Variants in FMN1 observed in about 807,000 individuals in gnomAD.
The protein encoded by FMN1 is formin 1.
FMN1 carries 110 observed loss-of-function variants against 132.4 expected under a neutral mutation model. That is an observed-to-expected ratio of 0.83 (90% CI 0.71 to 0.97). The LOEUF (loss-of-function observed/expected upper bound fraction) is 0.97. Ranked by LOEUF, FMN1 falls within the 50% of genes least tolerant of loss-of-function variation. The probability of loss-of-function intolerance (pLI) is 0.00; values close to 1 mark genes in which losing one functional copy is unlikely to be tolerated. For synonymous variants in FMN1, 722 were observed against 651.7 expected (o/e 1.11, Z -1.64); for missense variants, 1,792 against 1,705.3 (o/e 1.05, Z -0.90).
intron 5 of FMN1, chr15:33,067,095 C>T (rs1555392789): frequency 2.5e-6 from 4 of 1,613,968 alleles, no homozygotes; most frequent in East Asian, 2.2e-5. Context: ...CCAGAGACTT[C>T]TTTTTTAGAA....
chr15:33,125,389 GAAGA>G (rs1273643173), intron 4 of FMN1, among the ~76,000 whole-genome samples: 2 of 152,146 alleles, frequency 1.3e-5, no homozygotes, highest in Non-Finnish European at 2.9e-5. Context: ...AGTTCTAGTT[GAAGA>G]AAGGTAGACT....
At chr15:33,017,321 T>C (rs1394935287) in intron 6 of FMN1, among the ~76,000 whole-genome samples, 5 of 152,164 alleles carry the variant, frequency 3.3e-5, no homozygotes, top group Admixed American at 3.3e-4. Context: ...CTTTAGTTAA[T>C]AATAATGTAT....
intron 4 of FMN1, among the ~76,000 whole-genome samples, chr15:33,133,674 C>T (rs1963642449): frequency 6.6e-6 from 1 of 152,170 alleles, no homozygotes; most frequent in African/African-American, 2.4e-5. Context: ...CCTAAAGCCA[C>T]AGGGGCATGT....
At chr15:33,000,447 T>C (rs1224739685) in intron 7 of FMN1, among the ~76,000 whole-genome samples, 1 of 62,510 alleles carries the variant, frequency 1.6e-5, no homozygotes, top group East Asian at 5.4e-4. Context: ...AGACTCCATC[T>C]CAGGAAAAAA....
At chr15:32,898,626 T>C (rs347925) in intron 15 of FMN1, among the ~76,000 whole-genome samples, 12,099 of 152,220 alleles carry the variant, frequency 0.079, 931 homozygotes, top group African/African-American at 0.2. Context: ...CGATTGAGAC[T>C]CAGTAGATTT....
At chr15:32,945,951 T>C (rs2061500899) in intron 9 of FMN1, among the ~76,000 whole-genome samples, 1 of 152,184 alleles carries the variant, frequency 6.6e-6, no homozygotes. Context: ...TGTACACTAC[T>C]TACAACCCAA....
intron 3 of FMN1, among the ~76,000 whole-genome samples, chr15:33,164,642 G>C (rs1342346573): frequency 6.6e-6 from 1 of 152,154 alleles, no homozygotes; most frequent in Non-Finnish European, 1.5e-5. Context: ...AGAAAAATGA[G>C]TATTAGCTTT....
chr15:32,833,965 G>A (rs1213303245), intron 17 of FMN1, among the ~76,000 whole-genome samples: 1 of 152,134 alleles, frequency 6.6e-6, no homozygotes, highest in Non-Finnish European at 1.5e-5. Context: ...ACTGCAGCAG[G>A]ATTTTGAGAA....
In FMN1 at chr15:32,864,918, G is replaced by A. The variant is rs150261042; in HGVS notation, c.3836-7811C>T. Among the ~76,000 whole-genome samples, 284 of 152,192 alleles carry A rather than the reference G, an allele frequency of 1.9e-3. 2 individuals carry two copies. The highest frequency in any genetic ancestry group is 6.7e-3 in the African/African-American group (277 of 41,526). On this transcript the variant is annotated intron_variant, in intron 16 of 20. Coordinates refer to ENST00000616417, the MANE Select transcript of FMN1 (RefSeq NM_001277313.2). ...ACTTTATACACAGAATGAAATATTT[G>A]GCCATTAAAACAAATGAAGTACAAG...
intron 10 of FMN1, among the ~76,000 whole-genome samples, chr15:32,915,429 A>T (rs1231140411): frequency 6.6e-6 from 1 of 152,260 alleles, no homozygotes; most frequent in Non-Finnish European, 1.5e-5. Context: ...CATAATGATC[A>T]CAATGTGGAA....
intron 19 of FMN1, among the ~76,000 whole-genome samples, chr15:32,794,861 A>T (rs74243792): frequency 0.061 from 9,331 of 152,258 alleles, 694 homozygotes; most frequent in East Asian, 0.4. Context: ...AGAGAAAAAA[A>T]CGTTTTGTGT....
Position 32,926,090 on chromosome 15 carries a change from CTT to C in FMN1, c.3226+82_3226+83del, listed in dbSNP as rs989402014. On this transcript the variant is annotated intron_variant, in intron 10 of 20. Coordinates refer to ENST00000616417, the MANE Select transcript of FMN1 (RefSeq NM_001277313.2). The stretch of plus-strand genomic sequence containing the variant: ...TATAGGATTCATTAGGGCATTCTAA[CTT>C]TGTATGTGTTTGACATTCTTCAGAA... The C allele has an allele frequency of 3.7e-5, 28 of 763,578 alleles. No homozygotes were observed. The African/African-American group carries it at 4.8e-4, about 13-fold the overall frequency. The allele number at this position is 763,578 out of a possible 1,614,324, so 47.3% of individuals were successfully genotyped here.
intron 6 of FMN1, chr15:33,012,461 C>T (rs2034783957): frequency 3.7e-6 from 4 of 1,086,730 alleles, no homozygotes; most frequent in Admixed American, 1.7e-5. Context: ...AAAGAAGACA[C>T]AGAAGAACAT....
chr15:33,013,922 C>G (rs923124566), intron 6 of FMN1, among the ~76,000 whole-genome samples: 6 of 152,148 alleles, frequency 3.9e-5, no homozygotes, highest in African/African-American at 1.2e-4. Flanking sequence ...TAAATTGTAC[C>G]TATATGGGTG....
intron 3 of FMN1, among the ~76,000 whole-genome samples, chr15:33,172,588 T>G (rs1485760608): frequency 3.3e-4 from 50 of 152,170 alleles, no homozygotes; most frequent in Non-Finnish European, 5.9e-5. Flanking sequence ...GACACAGAGT[T>G]GGAAATTCTT....
chr15:32,876,680 A>G (rs1596151564), intron 16 of FMN1, among the ~76,000 whole-genome samples: 1 of 152,246 alleles, frequency 6.6e-6, no homozygotes, highest in Non-Finnish European at 1.5e-5. Context: ...ATTGAGAACA[A>G]TTATAAATAT....
rs1191298915 is a variant in FMN1 at position 32,769,631 on chromosome 15, TTCTC to T, written c.*4675_*4678del. ...AACAGTTTCCAGGCAGCTGGATTGT[TTCTC>T]TCTATAGCTGGAAAATGGAAATATA... On this transcript the variant is annotated 3_prime_UTR_variant, in exon 21 of 21. Transcript: ENST00000616417. 2.0e-5 allele frequency: 3 copies of T among 151,124 alleles called. No homozygotes were observed. Among genetic ancestry groups the T allele is most frequent in the Non-Finnish European group, 4.4e-5 (3 of 67,806 alleles). The allele number at this position is 151,124 out of a possible 1,614,324, so 9.4% of individuals were successfully genotyped here. A position where few individuals can be genotyped will look rare whatever the true frequency, so the allele number is the denominator to read the frequency against.
Position 32,765,751 on chromosome 15 carries a change from AC to A in FMN1, c.*8558del, listed in dbSNP as rs2140804094. ...TTTTTCTAATCAATATATATTATGT[AC>A]AAAAATACACTTGATATTGTGACCA... On this transcript the variant is annotated 3_prime_UTR_variant, in exon 21 of 21. Transcript: ENST00000616417. 6.6e-6 allele frequency: 1 copy of A among 152,298 alleles called. No homozygotes were observed. Among genetic ancestry groups the A allele is most frequent in the East Asian group, 1.9e-4 (1 of 5,188 alleles). 9.4% of individuals were successfully genotyped at this position (152,298 alleles called of 1,614,324 possible).
intron 7 of FMN1, among the ~76,000 whole-genome samples, chr15:32,989,092 A>C (rs2033268923): frequency 6.6e-6 from 1 of 151,594 alleles, no homozygotes; most frequent in Non-Finnish European, 1.5e-5. Context: ...CTGAGTTTGA[A>C]AAATATTACC....
Sources: gnomAD v4.1 joint callset for allele counts (sites outside exome capture counted in the v4.1 genomes callset) on GRCh38, gnomAD v4.1.1 for gene constraint, MANE v1.5 for transcripts, NCBI Gene and HGNC (gene_info 2026-07-23, HGNC 2026-07-21) for gene names.